TSHZ2: variants seen among roughly 807,000 people sequenced by gnomAD.
TSHZ2 encodes the protein teashirt zinc finger homeobox 2, also known as teashirt homolog 2.
TSHZ2 carries 21 observed loss-of-function variants against 74.4 expected under a neutral mutation model. That is an observed-to-expected ratio of 0.28 (90% CI 0.20 to 0.41). The LOEUF (loss-of-function observed/expected upper bound fraction) is 0.41, where lower values mean the gene tolerates loss of function less well. Among genes scored for constraint, TSHZ2 ranks in the 10% least tolerant of loss-of-function variants. The pLI is 1.00. For missense variants in TSHZ2, 1,244 were observed against 1,293.5 expected (o/e 0.96, Z 0.59); for synonymous variants, 540 against 515.3 (o/e 1.05, Z -0.65).
At chr20:53,012,200 C>T (rs1336084602) in intron 1 of TSHZ2, among the ~76,000 whole-genome samples, 1 of 152,142 alleles carries the variant, frequency 6.6e-6, no homozygotes, top group Non-Finnish European at 1.5e-5. Context: ...GTCTTGCATC[C>T]TAATTACCAG....
At chr20:53,314,153 T>C (rs1301138353) in intron 2 of TSHZ2, among the ~76,000 whole-genome samples, 1 of 151,878 alleles carries the variant, frequency 6.6e-6, no homozygotes, top group Non-Finnish European at 1.5e-5. Flanking sequence ...TCAGATGTGG[T>C]GATGGGTGCC....
intron 2 of TSHZ2, among the ~76,000 whole-genome samples, chr20:53,463,405 A>AGGAAGGAAGGAC (rs2145818634): frequency 8.7e-6 from 1 of 115,498 alleles, no homozygotes; most frequent in Non-Finnish European, 1.8e-5. Context: ...GAAGGAAGGA[A>AGGAAGGAAGGAC]GGAAGGAAGG....
chr20:53,255,794 A>G lies in TSHZ2; in HGVS notation c.2336A>G (p.Gln779Arg), dbSNP rs1990461100. The change falls in exon 2 of 3, where the codon CAA becomes CGA. Residue 779 changes from glutamine to arginine, a missense_variant. Gln to Arg is a conservative substitution (Grantham distance 43). Coordinates refer to ENST00000371497, the MANE Select transcript of TSHZ2 (RefSeq NM_173485.6). The surrounding 1 kb of genome is among the most constrained non-coding windows in gnomAD (Gnocchi z 4.1). ...KSKSKKAESS[Q>R]AQSCMSPPQK... ...AAAAGCAAGAAAGCCGAGTCCTCGC[A>G]AGCACAATCTTGTATGTCCCCACCT... 6.2e-7 allele frequency: 1 copy of G among 1,613,946 alleles called. No homozygotes were observed. Among genetic ancestry groups the G allele is most frequent in the Middle Eastern group, 1.7e-4 (1 of 6,058 alleles).
At chr20:53,296,518 G>C (rs1314654003) in intron 2 of TSHZ2, among the ~76,000 whole-genome samples, 2 of 152,142 alleles carry the variant, frequency 1.3e-5, no homozygotes, top group Non-Finnish European at 2.9e-5. Context: ...GGTCAGCTGG[G>C]CTAGCATTTC....
At chr20:53,072,182 C>T (rs561214123) in intron 1 of TSHZ2, among the ~76,000 whole-genome samples, 5 of 152,240 alleles carry the variant, frequency 3.3e-5, no homozygotes, top group Admixed American at 2.0e-4. Flanking sequence ...AGAAAAGCAT[C>T]GGGGATGCTA....
intron 2 of TSHZ2, among the ~76,000 whole-genome samples, chr20:53,460,044 C>T (rs1443019711): frequency 3.3e-5 from 5 of 152,006 alleles, no homozygotes; most frequent in African/African-American, 7.2e-5. Context: ...CTTGGAGTTG[C>T]TCTTCTCAAG....
chr20:53,385,052 C>T (rs182125005), intron 2 of TSHZ2, among the ~76,000 whole-genome samples: 244 of 152,106 alleles, frequency 1.6e-3, no homozygotes, highest in Non-Finnish European at 2.7e-3. Flanking sequence ...ACCCGGGAGG[C>T]GGAGCTTGCA....
chr20:53,410,153 G>C (rs1983002531), intron 2 of TSHZ2, among the ~76,000 whole-genome samples: 1 of 152,058 alleles, frequency 6.6e-6, no homozygotes, highest in Admixed American at 6.6e-5. Flanking sequence ...GGTTTTGTCT[G>C]CCATTTTTAA....
chr20:53,468,462 T>C (rs1479752757), intron 2 of TSHZ2, among the ~76,000 whole-genome samples: 1 of 152,140 alleles, frequency 6.6e-6, no homozygotes, highest in African/African-American at 2.4e-5. Context: ...CCACATCTTC[T>C]TGCCTGACAT....
intron 1 of TSHZ2, among the ~76,000 whole-genome samples, chr20:53,044,797 A>G (rs957171304): frequency 2.6e-5 from 4 of 151,866 alleles, no homozygotes; most frequent in African/African-American, 9.7e-5. Flanking sequence ...GCAGCCCTGA[A>G]CTCCTGGGTT....
chr20:53,305,130 G>A (rs968738104), intron 2 of TSHZ2, among the ~76,000 whole-genome samples: 7 of 149,634 alleles, frequency 4.7e-5, no homozygotes, highest in Non-Finnish European at 7.4e-5. Context: ...AGTAGAGATG[G>A]GGTTTCACCG....
At chr20:53,004,383 T>A (rs182662435) in intron 1 of TSHZ2, among the ~76,000 whole-genome samples, 1 of 152,314 alleles carries the variant, frequency 6.6e-6, no homozygotes, top group East Asian at 1.9e-4. Context: ...TCGGTCAAGC[T>A]TCCTGATGGC....
rs148225526 is a variant in TSHZ2 at position 53,367,863 on chromosome 20, G to A, written c.*8+111292G>A. 4.3e-3 allele frequency among the ~76,000 whole-genome samples: 654 copies of A among 152,100 alleles called. 8 individuals carry two copies. The highest frequency in any genetic ancestry group is 0.015 in the African/African-American group (627 of 41,478). ...TGGGATTACAGGCATGAGCCACCAC[G>A]CCCAGCCTTCTTATTCTTCTTTTAA... is the stretch of plus-strand genomic sequence containing the variant. On this transcript the variant is annotated intron_variant, in intron 2 of 2. Coordinates refer to ENST00000371497, the MANE Select transcript of TSHZ2 (RefSeq NM_173485.6).
At chr20:53,397,471 AAACAACAGG>A (rs1032610368) in intron 2 of TSHZ2, among the ~76,000 whole-genome samples, 1 of 152,240 alleles carries the variant, frequency 6.6e-6, no homozygotes, top group African/African-American at 2.4e-5. Flanking sequence ...AAATGTCAAG[AAACAACAGG>A]TGCTGGAGAG....
chr20:53,381,228 C>A (rs772942430), intron 2 of TSHZ2, among the ~76,000 whole-genome samples: 34 of 152,206 alleles, frequency 2.2e-4, no homozygotes, highest in Non-Finnish European at 7.3e-5. Context: ...TCTCCACTTT[C>A]TTTTCACCCC....
intron 2 of TSHZ2, among the ~76,000 whole-genome samples, chr20:53,373,793 T>C (rs1268120341): frequency 1.3e-5 from 2 of 152,162 alleles, no homozygotes; most frequent in Non-Finnish European, 2.9e-5. Flanking sequence ...AGGGCCAGGA[T>C]CTGAGTGGGC....
At chr20:53,247,723 A>G (rs1376466609) in intron 1 of TSHZ2, among the ~76,000 whole-genome samples, 1 of 152,190 alleles carries the variant, frequency 6.6e-6, no homozygotes, top group Non-Finnish European at 1.5e-5. Flanking sequence ...TTAAACAGTC[A>G]TTTAGTGCGG....
chr20:53,397,311 C>T (rs1480851300), intron 2 of TSHZ2, among the ~76,000 whole-genome samples: 3 of 152,178 alleles, frequency 2.0e-5, no homozygotes, highest in East Asian at 1.9e-4. Context: ...AACAAGTGGG[C>T]GAAGGATATG....
intron 2 of TSHZ2, among the ~76,000 whole-genome samples, chr20:53,450,081 CCTT>C (rs1366303604): frequency 6.6e-6 from 1 of 152,212 alleles, no homozygotes; most frequent in Non-Finnish European, 1.5e-5. Context: ...CATATCTTAA[CCTT>C]CTTGCTGAAT....
Sources: allele counts gnomAD v4.1 joint callset (sites outside exome capture counted in the v4.1 genomes callset), GRCh38; gene constraint gnomAD v4.1.1; non-coding constraint Gnocchi (gnomAD v3.1); transcripts MANE v1.5; gene names NCBI Gene and HGNC (gene_info 2026-07-23, HGNC 2026-07-21).